WWOX: variants seen among roughly 807,000 people sequenced by gnomAD.
WWOX encodes WW domain containing oxidoreductase, also known as WW domain-containing oxidoreductase.
WWOX carries 69 observed loss-of-function variants against 46.2 expected under a neutral mutation model. The observed-to-expected ratio is 1.49, with a 90% CI of 1.23 to 1.82. The LOEUF is 1.82. WWOX is among the 40% of genes most tolerant of loss of function. WWOX has a pLI of 0.00. For missense variants in WWOX, 919 were observed against 542.6 expected (o/e 1.69, Z -6.89); for synonymous variants, 359 against 202.6 (o/e 1.77, Z -6.56).
rs144567513 is a variant in WWOX, at chr16:78,652,382, C to G, written c.1056+219630C>G. On this transcript the variant is annotated intron_variant, in intron 8 of 8. Coordinates refer to ENST00000566780, the MANE Select transcript of WWOX (RefSeq NM_016373.4). ...CAAGGTCACGCCAGTGTACTCCAGC[C>G]TGGGTGACAGAGCGAGACTCCGTCT... is the stretch of plus-strand genomic sequence containing the variant. Among the ~76,000 whole-genome samples, 1,187 of 138,836 alleles carry G rather than the reference C, an allele frequency of 8.5e-3. 20 individuals carry two copies. Among genetic ancestry groups the G allele is most frequent in the African/African-American group, 0.031 (1,086 of 35,138 alleles). The allele number at this position is 138,836 out of a possible 152,430, so 91.1% of individuals were successfully genotyped here. A position where few individuals can be genotyped will look rare whatever the true frequency, so the allele number is the denominator to read the frequency against.
intron 8 of WWOX, among the ~76,000 whole-genome samples, chr16:78,645,579 T>G (rs151090921): frequency 6.6e-6 from 1 of 152,222 alleles, no homozygotes; most frequent in South Asian, 2.1e-4. Context: ...GGAGCCAGCA[T>G]GTTCAGAGAA....
At chr16:78,405,173 G>A (rs909805957) in intron 6 of WWOX, among the ~76,000 whole-genome samples, 1 of 152,162 alleles carries the variant, frequency 6.6e-6, no homozygotes, top group Non-Finnish European at 1.5e-5. Context: ...TCAGTTAAGT[G>A]TATGTACTGA....
At chr16:79,169,265 C>G in intron 8 of WWOX, among the ~76,000 whole-genome samples, 1 of 121,354 alleles carries the variant, frequency 8.2e-6, no homozygotes, top group East Asian at 6.6e-4. Context: ...GTTTTTAGCA[C>G]ATCAAATGTC....
intron 8 of WWOX, among the ~76,000 whole-genome samples, chr16:79,033,912 T>G (rs1378589437): frequency 6.6e-6 from 1 of 152,220 alleles, no homozygotes; most frequent in Admixed American, 6.5e-5. Context: ...CAGGCATAGC[T>G]GGCTGGCTAG....
intron 8 of WWOX, among the ~76,000 whole-genome samples, chr16:79,014,905 A>G (rs1232647323): frequency 6.6e-6 from 1 of 152,196 alleles, no homozygotes; most frequent in East Asian, 1.9e-4. Context: ...TTATTTACTG[A>G]TACCTGTGGT....
chr16:78,669,493 G>C (rs1462303796), intron 8 of WWOX, among the ~76,000 whole-genome samples: 1 of 152,346 alleles, frequency 6.6e-6, no homozygotes, highest in South Asian at 2.1e-4. Context: ...GTCAAGGCCA[G>C]TGATGGTGCT....
At chr16:79,107,867 A>G (rs1047287679) in intron 8 of WWOX, among the ~76,000 whole-genome samples, 3 of 152,238 alleles carry the variant, frequency 2.0e-5, no homozygotes, top group Non-Finnish European at 4.4e-5. Flanking sequence ...GACAGAGATG[A>G]TACTACAGTT....
At chr16:78,518,154 A>G (rs2043277688) in intron 8 of WWOX, among the ~76,000 whole-genome samples, 1 of 152,156 alleles carries the variant, frequency 6.6e-6, no homozygotes, top group Non-Finnish European at 1.5e-5. Context: ...TACAGAGTCT[A>G]TCACTGTGCT....
chr16:78,786,346 A>C (rs2050455798), intron 8 of WWOX, among the ~76,000 whole-genome samples: 1 of 152,220 alleles, frequency 6.6e-6, no homozygotes, highest in Admixed American at 6.5e-5. Context: ...TATAAATATG[A>C]GATCACTGAA....
At chr16:79,176,373 A>G (rs1438099712) in intron 8 of WWOX, among the ~76,000 whole-genome samples, 4 of 152,204 alleles carry the variant, frequency 2.6e-5, no homozygotes, top group African/African-American at 9.6e-5. Flanking sequence ...ATTGGTAAGC[A>G]CTAGTCACAT....
chr16:78,740,403 G>C (rs1313830422), intron 8 of WWOX, among the ~76,000 whole-genome samples: 3 of 152,162 alleles, frequency 2.0e-5, no homozygotes, highest in East Asian at 3.9e-4. Context: ...TGCTAATAGG[G>C]TTGGCAGCGT....
At chr16:78,460,663 T>G (rs1235380229) in intron 8 of WWOX, among the ~76,000 whole-genome samples, 1 of 152,216 alleles carries the variant, frequency 6.6e-6, no homozygotes, top group Non-Finnish European at 1.5e-5. Flanking sequence ...TCCAATGACC[T>G]GCTGTGTCCT....
intron 8 of WWOX, among the ~76,000 whole-genome samples, chr16:78,469,123 C>T (rs2084158783): frequency 6.6e-6 from 1 of 152,172 alleles, no homozygotes; most frequent in Non-Finnish European, 1.5e-5. Flanking sequence ...ATTTCAGAGG[C>T]AAATGGTGAT....
chr16:78,756,843 C>G (rs764925283), intron 8 of WWOX: 2 of 688,598 alleles, frequency 2.9e-6, no homozygotes, highest in Admixed American at 2.1e-5. Flanking sequence ...CCTGTATAAT[C>G]GATAGGGTAT....
chr16:78,538,645 A>G (rs1105314), intron 8 of WWOX, among the ~76,000 whole-genome samples: 85,356 of 152,110 alleles, frequency 0.56, 26,708 homozygotes, highest in Admixed American at 0.69. Flanking sequence ...TGTGTTTCCT[A>G]TGTTTGACAT....
At chr16:79,201,038 C>G (rs1467213204) in intron 8 of WWOX, among the ~76,000 whole-genome samples, 1 of 152,150 alleles carries the variant, frequency 6.6e-6, no homozygotes, top group Non-Finnish European at 1.5e-5. Context: ...ATCACTCATC[C>G]TTCCAAGAAA....
intron 8 of WWOX, among the ~76,000 whole-genome samples, chr16:79,128,388 A>C (rs576790193): frequency 6.8e-6 from 1 of 146,686 alleles, no homozygotes; most frequent in South Asian, 2.1e-4. Flanking sequence ...ACAAAAAACA[A>C]AAAAAAAAAC....
chr16:78,455,555 A>G (rs1302928391), intron 8 of WWOX, among the ~76,000 whole-genome samples: 1 of 146,820 alleles, frequency 6.8e-6, no homozygotes, highest in Non-Finnish European at 1.5e-5. Flanking sequence ...AGGCACGAGA[A>G]TTGCTTGAAC....
chr16:78,593,971 T>C (rs150201878), intron 8 of WWOX, among the ~76,000 whole-genome samples: 2 of 152,332 alleles, frequency 1.3e-5, no homozygotes, highest in East Asian at 1.9e-4. Context: ...TATCATTATA[T>C]CCAACTTGTG....
Sources: gnomAD v4.1 joint callset for allele counts (sites outside exome capture counted in the v4.1 genomes callset) on GRCh38, gnomAD v4.1.1 for gene constraint, MANE v1.5 for transcripts, NCBI Gene and HGNC (gene_info 2026-07-23, HGNC 2026-07-21) for gene names.